Variants in MAPRE3 observed in about 807,000 individuals in gnomAD.
MAPRE3 encodes the protein microtubule associated protein RP/EB family member 3.
MAPRE3 carries 2 observed loss-of-function variants against 30.5 expected under a neutral mutation model. That is an observed-to-expected ratio of 0.07 (90% confidence interval 0.03 to 0.21). The LOEUF is 0.21. MAPRE3 is among the 10% of genes least tolerant of loss of function. MAPRE3 has a pLI of 1.00. For synonymous variants in MAPRE3, 110 were observed against 127.7 expected (o/e 0.86, Z 0.93); for missense variants, 204 against 351.8 (o/e 0.58, Z 3.36).
At position 27,010,439 on chromosome 2, in the gene MAPRE3, C is replaced by CTTT. The variant is rs71401549; in HGVS notation, c.-7-11756_-7-11754dup. Reference sequence around the variant, plus strand: ...ACAAGCCTACTTTTAATCTGTATTTCTTTTTTTTTTTTTTTTTTTGAGATG... The same window carrying CTTT: ...ACAAGCCTACTTTTAATCTGTATTTCTTTTTTTTTTTTTTTTTTTTTTGAGATG... On this transcript the variant is annotated intron_variant, in intron 1 of 6. Coordinates refer to ENST00000233121, the MANE Select transcript of MAPRE3 (RefSeq NM_012326.4). Among the ~76,000 whole-genome samples, 409 of 115,450 alleles carry CTTT rather than the reference C, an allele frequency of 3.5e-3. 8 individuals carry two copies. Among genetic ancestry groups the CTTT allele is most frequent in the East Asian group, 9.6e-3 (36 of 3,734 alleles). 75.7% of individuals were successfully genotyped at this position (115,450 alleles called of 152,430 possible).
intron 1 of MAPRE3, among the ~76,000 whole-genome samples, chr2:26,989,471 A>G (rs1165767552): frequency 2.6e-5 from 4 of 152,172 alleles, no homozygotes; most frequent in African/African-American, 9.7e-5. Context: ...CTGTGGTGTG[A>G]CTCATCAGGG....
At chr2:27,016,381 CTTT>C (rs567480969) in intron 1 of MAPRE3, among the ~76,000 whole-genome samples, 4 of 123,040 alleles carry the variant, frequency 3.3e-5, no homozygotes, top group Non-Finnish European at 3.4e-5. Context: ...CAGGTTATGT[CTTT>C]TTTTTTTTTT....
intron 1 of MAPRE3, among the ~76,000 whole-genome samples, chr2:27,000,669 A>T (rs1484073963): frequency 6.6e-6 from 1 of 152,246 alleles, no homozygotes; most frequent in African/African-American, 2.4e-5. Context: ...GACCAGGAGA[A>T]GGAGCTGCAC....
intron 3 of MAPRE3, chr2:27,023,819 C>T (rs1470285419): frequency 5.9e-6 from 3 of 508,680 alleles, no homozygotes; most frequent in Non-Finnish European, 1.1e-5. Flanking sequence ...TCGGTGGCTG[C>T]AGACCCCCAG....
intron 3 of MAPRE3, 94 bp downstream of exon 3, chr2:27,023,571 A>G (rs1371668656): frequency 5.3e-6 from 8 of 1,503,022 alleles, no homozygotes; most frequent in Non-Finnish European, 7.3e-6. Flanking sequence ...TGCTGGGGTC[A>G]TTCCGGTGCT....
chr2:27,022,515 A>G, intron 2 of MAPRE3, 176 bp downstream of exon 2: 2 of 823,548 alleles, frequency 2.4e-6, no homozygotes. Context: ...GAGTGTATTT[A>G]CACAAACCTG....
chr2:26,971,049 C>T (rs1665907243), intron 1 of MAPRE3, among the ~76,000 whole-genome samples: 1 of 151,400 alleles, frequency 6.6e-6, no homozygotes, highest in Non-Finnish European at 1.5e-5. Context: ...CCCTCCGTCT[C>T]TCCGGGTCCA....
intron 1 of MAPRE3, among the ~76,000 whole-genome samples, chr2:26,976,544 A>G (rs1666017831): frequency 6.6e-6 from 1 of 152,236 alleles, no homozygotes; most frequent in African/African-American, 2.4e-5. Context: ...GCATAAGCCT[A>G]GATCTTGCAC....
At chr2:27,023,700 T>C (rs1667163905) in intron 3 of MAPRE3, 2 of 566,952 alleles carry the variant, frequency 3.5e-6, no homozygotes, top group Non-Finnish European at 3.2e-6. Context: ...CTTCCTCCTC[T>C]CTGGACCCTG....
intron 1 of MAPRE3, among the ~76,000 whole-genome samples, chr2:26,988,002 T>C (rs1666256453): frequency 2.0e-5 from 3 of 152,236 alleles, no homozygotes; most frequent in African/African-American, 7.2e-5. Flanking sequence ...TTGCTCTAGT[T>C]TAAAGCATGA....
At position 26,986,943 on chromosome 2, in the gene MAPRE3, C is replaced by T. The variant is rs114818041; in HGVS notation, c.-8+16141C>T. Reference sequence around the variant, plus strand: ...GGAGAGTGGGAAGCTGAGGAGCCACCGTGTGAAAGAGTTTCCACCTAGAGG... The same window carrying T: ...GGAGAGTGGGAAGCTGAGGAGCCACTGTGTGAAAGAGTTTCCACCTAGAGG... On this transcript the variant is annotated intron_variant, in intron 1 of 6. Coordinates refer to ENST00000233121, the MANE Select transcript of MAPRE3 (RefSeq NM_012326.4). The surrounding 1 kb of genome is among the most constrained non-coding windows in gnomAD (Gnocchi z 4.2). Among the ~76,000 whole-genome samples the T allele has an allele frequency of 8.4e-3, 1,277 of 152,000 alleles. 19 individuals are homozygous for T. Among genetic ancestry groups the T allele is most frequent in the African/African-American group, 0.03 (1,239 of 41,456 alleles).
At chr2:26,989,364 C>T (rs1166707385) in intron 1 of MAPRE3, among the ~76,000 whole-genome samples, 2 of 151,910 alleles carry the variant, frequency 1.3e-5, no homozygotes, top group African/African-American at 2.4e-5. Context: ...TACACTGCCT[C>T]GATTAATAAG....
chr2:26,978,216 G>A (rs929205324), intron 1 of MAPRE3, among the ~76,000 whole-genome samples: 6 of 152,158 alleles, frequency 3.9e-5, no homozygotes, highest in African/African-American at 1.4e-4. Context: ...TCTCTGACTG[G>A]TAAGAAATGA....
chr2:26,991,780 T>A (rs1034971497), intron 1 of MAPRE3, among the ~76,000 whole-genome samples: 7 of 152,216 alleles, frequency 4.6e-5, no homozygotes, highest in African/African-American at 1.7e-4. Context: ...CATTTGTAGA[T>A]CAGATTCTCA....
At chr2:26,974,491 G>A (rs545907899) in intron 1 of MAPRE3, among the ~76,000 whole-genome samples, 1 of 152,310 alleles carries the variant, frequency 6.6e-6, no homozygotes, top group Admixed American at 6.5e-5. Flanking sequence ...ATTCCAGAAA[G>A]CAAGGTGGAG....
chr2:26,988,868 G>T (rs1237883582), intron 1 of MAPRE3, among the ~76,000 whole-genome samples: 1 of 152,148 alleles, frequency 6.6e-6, no homozygotes, highest in African/African-American at 2.4e-5. Flanking sequence ...ATGTGGAGTT[G>T]ATCTTGGCTT....
chr2:26,989,341 A>C (rs891243124), intron 1 of MAPRE3, among the ~76,000 whole-genome samples: 1 of 152,194 alleles, frequency 6.6e-6, no homozygotes, highest in African/African-American at 2.4e-5. Flanking sequence ...GGTGCTGTGC[A>C]GGATGCTTTC....
rs1357650923 is a variant in MAPRE3 at position 26,991,406 on chromosome 2, G to C, written c.-8+20604G>C. Among the ~76,000 whole-genome samples, 2 of 152,178 alleles carry C rather than the reference G, an allele frequency of 1.3e-5. 1 individual carries two copies. Among genetic ancestry groups the C allele is most frequent in the South Asian group, 4.1e-4 (2 of 4,832 alleles). On this transcript the variant is annotated intron_variant, in intron 1 of 6. Coordinates refer to ENST00000233121, the MANE Select transcript of MAPRE3 (RefSeq NM_012326.4). ...AGGAAGGAAGTGATAGTGGTGGCTG[G>C]ACCAATACTGCCTACAGCCTCACCA...
At chr2:27,017,431 C>T (rs1041226559) in intron 1 of MAPRE3, among the ~76,000 whole-genome samples, 1 of 152,230 alleles carries the variant, frequency 6.6e-6, no homozygotes, top group African/African-American at 2.4e-5. Flanking sequence ...ACTGCTGCCA[C>T]TCATGGGACC....
Sources: allele counts gnomAD v4.1 joint callset (sites outside exome capture counted in the v4.1 genomes callset), GRCh38; gene constraint gnomAD v4.1.1; non-coding constraint Gnocchi (gnomAD v3.1); transcripts MANE v1.5; gene names NCBI Gene and HGNC (gene_info 2026-07-23, HGNC 2026-07-21).